CPED1: variants seen among roughly 807,000 people sequenced by gnomAD.
CPED1 encodes cadherin-like and PC-esterase domain-containing protein 1.
Under a neutral mutation model 128.2 loss-of-function variants are expected in CPED1, and 114 were observed. The observed-to-expected ratio is 0.89, with a 90% CI of 0.76 to 1.04. The LOEUF (loss-of-function observed/expected upper bound fraction) is 1.04. CPED1 is among the 50% of genes least tolerant of loss of function. The pLI is 0.00. For synonymous variants in CPED1, 462 were observed against 426.7 expected (o/e 1.08, Z -1.02); for missense variants, 1,211 against 1,207.1 (o/e 1.00, Z -0.05).
At chr7:121,064,921 A>G (rs1030126296) in intron 5 of CPED1, among the ~76,000 whole-genome samples, 1 of 152,200 alleles carries the variant, frequency 6.6e-6, no homozygotes, top group Non-Finnish European at 1.5e-5. Flanking sequence ...TTTAAAAGCC[A>G]TCAGTGAAAG....
At chr7:121,184,598 T>C (rs1796963697) in intron 16 of CPED1, among the ~76,000 whole-genome samples, 1 of 152,112 alleles carries the variant, frequency 6.6e-6, no homozygotes, top group Non-Finnish European at 1.5e-5. Flanking sequence ...ACTTTAACAA[T>C]ATTAAAGATA....
intron 3 of CPED1, among the ~76,000 whole-genome samples, chr7:121,042,580 AATGTTCAAG>A (rs1274343794): frequency 1.3e-5 from 2 of 152,196 alleles, no homozygotes; most frequent in Non-Finnish European, 2.9e-5. Flanking sequence ...ATAATGGTGT[AATGTTCAAG>A]AACATGGCCA....
At position 121,174,805 on chromosome 7, in the gene CPED1, C is replaced by G. The variant is rs1048427220; in HGVS notation, c.2055+32664C>G. Among the ~76,000 whole-genome samples, 46 of 151,950 alleles carry G rather than the reference C, an allele frequency of 3.0e-4. 1 individual carries two copies. Among genetic ancestry groups the G allele is most frequent in the Non-Finnish European group, 2.6e-4 (18 of 67,946 alleles). On this transcript the variant is annotated intron_variant, in intron 16 of 22. Coordinates refer to ENST00000310396, the MANE Select transcript of CPED1 (RefSeq NM_024913.5). ...TAGCAGCGGCATGGAGTCTGGAAAC[C>G]TCTTTGGACAGTATGGTCATTTTAA...
intron 2 of CPED1, among the ~76,000 whole-genome samples, chr7:121,002,905 T>G (rs996190465): frequency 2.6e-5 from 4 of 152,132 alleles, no homozygotes; most frequent in Non-Finnish European, 5.9e-5. Context: ...TAAGCACATT[T>G]CCAAAGTAAC....
chr7:121,139,395 T>G (rs978283577), intron 14 of CPED1, among the ~76,000 whole-genome samples: 3 of 141,864 alleles, frequency 2.1e-5, no homozygotes, highest in East Asian at 2.0e-4. Flanking sequence ...ATATATAGGG[T>G]TTTTTTTTTC....
chr7:121,092,082 A>G (rs554399954), intron 5 of CPED1, among the ~76,000 whole-genome samples: 41 of 152,070 alleles, frequency 2.7e-4, no homozygotes, highest in Non-Finnish European at 5.6e-4. Context: ...TCCCATGCTC[A>G]TTGTGGGTTC....
chr7:121,054,058 C>A (rs532986788), intron 4 of CPED1, among the ~76,000 whole-genome samples: 1 of 152,162 alleles, frequency 6.6e-6, no homozygotes. Flanking sequence ...TATCCAGGAA[C>A]CCCATTCCTG....
intron 3 of CPED1, among the ~76,000 whole-genome samples, chr7:121,040,814 T>A (rs1259116843): frequency 6.6e-6 from 1 of 152,066 alleles, no homozygotes; most frequent in Non-Finnish European, 1.5e-5. Flanking sequence ...GTTGTATCCT[T>A]ATGGAATATG....
rs76413759 is a variant in CPED1, at chr7:121,174,347, A to G, written c.2055+32206A>G. ...TTAGTTTGTCTTCCAGCGTTATAAT[A>G]GTTTTGGGTTTTACATTTAAGTCTT... On this transcript the variant is annotated intron_variant, in intron 16 of 22. Coordinates refer to ENST00000310396, the MANE Select transcript of CPED1 (RefSeq NM_024913.5). Among the ~76,000 whole-genome samples, 3 of 151,992 alleles carry G rather than the reference A, an allele frequency of 2.0e-5. 1 individual carries two copies. The East Asian group carries it at 5.8e-4, about 29-fold the overall frequency.
intron 16 of CPED1, among the ~76,000 whole-genome samples, chr7:121,198,576 ATTT>A (rs1213784186): frequency 6.6e-6 from 1 of 151,892 alleles, no homozygotes; most frequent in African/African-American, 2.4e-5. Flanking sequence ...AATCCTGCTT[ATTT>A]TCCTCTCACT....
At chr7:121,006,659 TTCTA>T (rs1792023618) in intron 2 of CPED1, among the ~76,000 whole-genome samples, 1 of 152,002 alleles carries the variant, frequency 6.6e-6, no homozygotes, top group African/African-American at 2.4e-5. Flanking sequence ...TCTTTTCAAG[TTCTA>T]TCTTATTTTC....
intron 3 of CPED1, among the ~76,000 whole-genome samples, chr7:121,030,528 C>A (rs1262541575): frequency 6.6e-6 from 1 of 152,188 alleles, no homozygotes; most frequent in African/African-American, 2.4e-5. Flanking sequence ...GCTGTAGATG[C>A]CCCCTACCCT....
At chr7:121,126,485 T>C (rs1204684151) in intron 9 of CPED1, among the ~76,000 whole-genome samples, 1 of 152,064 alleles carries the variant, frequency 6.6e-6, no homozygotes, top group Non-Finnish European at 1.5e-5. Flanking sequence ...TAAAAAATAA[T>C]TTATTAAATT....
chr7:121,266,421 A>C lies in CPED1; in HGVS notation c.2505A>C (p.Glu835Asp), dbSNP rs1481848144. The change falls in exon 19 of 23, where the codon GAA becomes GAC. Residue 835 changes from glutamate to aspartate, a missense_variant. Physicochemically the swap from Glu to Asp is conservative, Grantham distance 45. Transcript: ENST00000310396. ...GCCCTTCATTGAGACCAACATTTGA[A>C]AATGCACTTGAACACCTCTTGCAAA... The part of the protein sequence containing the change: ...WISPSLRPTF[E>D]NALEHLLQRS... 1 of 1,612,844 alleles carries C rather than the reference A, an allele frequency of 6.2e-7. No homozygotes were observed. Among genetic ancestry groups the C allele is most frequent in the Non-Finnish European group, 8.5e-7 (1 of 1,179,266 alleles).
Position 120,989,668 on chromosome 7 carries a change from G to C in CPED1, c.47G>C (p.Arg16Pro), listed in dbSNP as rs753666660. The change falls in exon 2 of 23, where the codon CGA becomes CCA. Residue 16 changes from arginine to proline, a missense_variant. Arg to Pro is a moderately radical substitution (Grantham distance 103). Coordinates refer to ENST00000310396, the MANE Select transcript of CPED1 (RefSeq NM_024913.5). ...VFPCRRRFCPRPFLVGLVVAI... is the reference protein window; with the variant it reads ...VFPCRRRFCPPPFLVGLVVAI... ...CCTTGTCGTCGGCGATTTTGCCCCCGACCCTTCTTGGTGGGCTTAGTGGTG... is the reference window on the plus strand; with the variant it reads ...CCTTGTCGTCGGCGATTTTGCCCCCCACCCTTCTTGGTGGGCTTAGTGGTG... 7 of 1,613,730 alleles carry C rather than the reference G, an allele frequency of 4.3e-6. No individual in the cohort carries two copies. The highest frequency in any genetic ancestry group is 2.7e-5 in the African/African-American group (2 of 74,796).
intron 14 of CPED1, among the ~76,000 whole-genome samples, chr7:121,139,060 G>A (rs1006469456): frequency 5.9e-5 from 9 of 151,888 alleles, no homozygotes; most frequent in Admixed American, 4.6e-4. Context: ...AACAATTTCT[G>A]CCTTCATTCT....
At chr7:121,056,446 T>C (rs78314291) in intron 4 of CPED1, among the ~76,000 whole-genome samples, 2 of 152,222 alleles carry the variant, frequency 1.3e-5, no homozygotes, top group Non-Finnish European at 2.9e-5. Context: ...TTTCTATTCA[T>C]TTAAGTATGC....
intron 5 of CPED1, among the ~76,000 whole-genome samples, chr7:121,068,196 A>G (rs548247750): frequency 1.7e-3 from 264 of 152,314 alleles, no homozygotes; most frequent in African/African-American, 5.9e-3. Context: ...GCCCATGCCT[A>G]TGTCCTGAAT....
intron 5 of CPED1, among the ~76,000 whole-genome samples, chr7:121,093,226 A>G (rs184940210): frequency 6.6e-6 from 1 of 152,280 alleles, no homozygotes; most frequent in East Asian, 1.9e-4. Flanking sequence ...ATCATGGTGA[A>G]GGAAAAAAAT....
Sources: allele counts gnomAD v4.1 joint callset (sites outside exome capture counted in the v4.1 genomes callset), GRCh38; gene constraint gnomAD v4.1.1; transcripts MANE v1.5; gene names NCBI Gene and HGNC (gene_info 2026-07-23, HGNC 2026-07-21).